The following ABI3BP variants were observed in gnomAD, a reference collection of about 807,000 sequenced individuals.
ABI3BP encodes ABI family member 3 binding protein, also known as target of Nesh-SH3.
ABI3BP carries 216 observed loss-of-function variants against 268.6 expected under a neutral mutation model. That is an observed-to-expected ratio of 0.80 (90% confidence interval 0.72 to 0.90). ABI3BP has a LOEUF of 0.90. Ranked by LOEUF, ABI3BP falls within the 40% of genes least tolerant of loss-of-function variation. The pLI is 0.00. For missense variants in ABI3BP, 2,090 were observed against 2,182.4 expected, an observed-to-expected ratio of 0.96 and a Z score of 0.84; for synonymous variants, 730 against 730.0, an observed-to-expected ratio of 1.00 and a Z score of 0.00.
intron 63 of ABI3BP, among the ~76,000 whole-genome samples, chr3:100,765,039 G>T: frequency 6.6e-6 from 1 of 151,294 alleles, no homozygotes; most frequent in East Asian, 1.9e-4. Context: ...AGCCAAAATA[G>T]GCTCTTTTGA....
chr3:100,761,823 A>G (rs1449283200), intron 63 of ABI3BP, among the ~76,000 whole-genome samples: 3 of 152,170 alleles, frequency 2.0e-5, no homozygotes, highest in Non-Finnish European at 4.4e-5. Context: ...AGTAATTATC[A>G]TCTGAATTCA....
intron 3 of ABI3BP, among the ~76,000 whole-genome samples, chr3:100,899,934 G>A (rs1002571729): frequency 6.6e-6 from 1 of 152,188 alleles, no homozygotes; most frequent in African/African-American, 2.4e-5. Flanking sequence ...CCCCTTGCAT[G>A]AGCCTATTGG....
intron 1 of ABI3BP, among the ~76,000 whole-genome samples, chr3:100,981,268 G>C (rs1214574252): frequency 6.6e-6 from 1 of 151,862 alleles, no homozygotes; most frequent in Non-Finnish European, 1.5e-5. Flanking sequence ...AGTGTGCATT[G>C]TCTTCCAAAG....
intron 41 of ABI3BP, among the ~76,000 whole-genome samples, chr3:100,818,077 A>G (rs1258789951): frequency 6.6e-6 from 1 of 152,194 alleles, no homozygotes; most frequent in East Asian, 1.9e-4. Context: ...ACTTACGTAC[A>G]TTTTACAATT....
At position 100,775,296 on chromosome 3, in the gene ABI3BP, C is replaced by G. The variant is rs1252726514; in HGVS notation, c.4373G>C (p.Arg1458Thr). 2 of 1,608,764 alleles carry G rather than the reference C, an allele frequency of 1.2e-6. No individual in the cohort carries two copies. Among genetic ancestry groups the G allele is most frequent in the African/African-American group, 2.7e-5 (2 of 74,962 alleles). The stretch of plus-strand genomic sequence containing the variant: ...AGTTCCAGTAGGCCTGGGTGTTGAC[C>G]TCAGGGGTGGTGTAGTTATTGGGCC... Reference protein sequence around the residue: ...SSGPITTPPLRSTPRPTGTPL... With the variant: ...SSGPITTPPLTSTPRPTGTPL... The change falls in exon 60 of 68, where the codon AGG becomes ACG. Residue 1458 changes from arginine (R) to threonine (T), a missense_variant. By Grantham distance (71) the Arg-to-Thr change is moderately conservative. Transcript: ENST00000471714.
intron 1 of ABI3BP, among the ~76,000 whole-genome samples, chr3:100,939,547 T>A (rs891219302): frequency 2.6e-5 from 4 of 151,848 alleles, no homozygotes; most frequent in African/African-American, 9.7e-5. Context: ...GACCAGCAAG[T>A]TTTTATTAGG....
chr3:100,765,062 A>G (rs1415103292), intron 63 of ABI3BP, among the ~76,000 whole-genome samples: 2 of 151,954 alleles, frequency 1.3e-5, no homozygotes, highest in African/African-American at 4.8e-5. Flanking sequence ...GTCACTATCA[A>G]TAACTAATTC....
chr3:100,768,314 TC>T (rs1322088652), intron 62 of ABI3BP, among the ~76,000 whole-genome samples: 2 of 152,122 alleles, frequency 1.3e-5, no homozygotes, highest in Non-Finnish European at 2.9e-5. Context: ...GATCTTGATC[TC>T]CTGACCTCGT....
intron 41 of ABI3BP, among the ~76,000 whole-genome samples, chr3:100,817,813 T>C (rs2098103802): frequency 6.6e-6 from 1 of 152,186 alleles, no homozygotes; most frequent in Admixed American, 6.5e-5. Context: ...GAAAAAGGCG[T>C]TTATCAGTCT....
intron 55 of ABI3BP, 76 bp downstream of exon 55, chr3:100,792,615 T>C (rs1413741615): frequency 9.6e-6 from 14 of 1,456,876 alleles, no homozygotes; most frequent in African/African-American, 1.4e-5. Context: ...AGAAATGACA[T>C]TCTGAAAGAA....
At chr3:100,962,628 C>T (rs930368560) in intron 1 of ABI3BP, among the ~76,000 whole-genome samples, 2 of 152,160 alleles carry the variant, frequency 1.3e-5, no homozygotes, top group Admixed American at 1.3e-4. Flanking sequence ...TCACTAGATT[C>T]ACTAGATACT....
intron 30 of ABI3BP, 23 bp downstream of exon 30, chr3:100,833,102 T>A: frequency 6.5e-7 from 1 of 1,530,738 alleles, no homozygotes; most frequent in East Asian, 2.5e-5. Flanking sequence ...AAGGACTTGC[T>A]GAAGGACATA....
intron 57 of ABI3BP, among the ~76,000 whole-genome samples, chr3:100,781,297 T>C (rs992567276): frequency 6.6e-6 from 1 of 152,170 alleles, no homozygotes; most frequent in African/African-American, 2.4e-5. Flanking sequence ...AAAAATATGA[T>C]GACATTTTCA....
chr3:100,967,787 A>G (rs557444325), intron 1 of ABI3BP, among the ~76,000 whole-genome samples: 1 of 152,318 alleles, frequency 6.6e-6, no homozygotes, highest in South Asian at 2.1e-4. Context: ...ACATTTTATA[A>G]AAGGTACAAT....
intron 1 of ABI3BP, among the ~76,000 whole-genome samples, chr3:100,934,092 C>T (rs2064885489): frequency 6.6e-6 from 1 of 151,932 alleles, no homozygotes; most frequent in Non-Finnish European, 1.5e-5. Context: ...ATCAAGCCAT[C>T]ATCTACATTA....
chr3:100,790,561 A>T (rs1442990641), intron 55 of ABI3BP, among the ~76,000 whole-genome samples: 1 of 152,008 alleles, frequency 6.6e-6, no homozygotes, highest in Admixed American at 6.6e-5. Context: ...CAATGTAAAG[A>T]CTGTGATGAG....
At chr3:100,879,933 T>C (rs929157533) in intron 6 of ABI3BP, among the ~76,000 whole-genome samples, 1 of 152,180 alleles carries the variant, frequency 6.6e-6, no homozygotes, top group African/African-American at 2.4e-5. Context: ...ACAATGTGAA[T>C]CCTCTCCTAT....
At chr3:100,782,911 A>T (rs1304326018) in intron 57 of ABI3BP, among the ~76,000 whole-genome samples, 3 of 152,260 alleles carry the variant, frequency 2.0e-5, no homozygotes, top group Non-Finnish European at 4.4e-5. Context: ...CACATCTTCT[A>T]AAGGGCAGAG....
chr3:100,749,768 A>G lies in ABI3BP; in HGVS notation c.*727T>C. 1 of 398,106 alleles carries G rather than the reference A, an allele frequency of 2.5e-6. No homozygotes were observed. Among genetic ancestry groups the G allele is most frequent in the East Asian group, 3.6e-5 (1 of 27,958 alleles). The allele number at this position is 398,106 out of a possible 1,614,324, so 24.7% of individuals were successfully genotyped here. ...GATTGCATAAAGGGATAGTTTGACA[A>G]AGCATATTCAGATATTGTAACATTT... On this transcript the variant is annotated 3_prime_UTR_variant, in exon 68 of 68. Transcript: ENST00000471714.
Sources: allele counts gnomAD v4.1 joint callset (sites outside exome capture counted in the v4.1 genomes callset), GRCh38; gene constraint gnomAD v4.1.1; transcripts MANE v1.5; gene names NCBI Gene and HGNC (gene_info 2026-07-23, HGNC 2026-07-21).